The following SYNE2 variants were observed in gnomAD, a reference collection of about 807,000 sequenced individuals.
SYNE2 encodes nesprin-2.
SYNE2 carries 431 observed loss-of-function variants against 856.3 expected under a neutral mutation model. The observed-to-expected ratio is 0.50, with a 90% confidence interval of 0.47 to 0.55. The LOEUF (loss-of-function observed/expected upper bound fraction) is 0.55. Ranked by LOEUF, SYNE2 falls within the 20% of genes least tolerant of loss-of-function variation. SYNE2 has a pLI of 0.00. For synonymous variants in SYNE2, 2,923 were observed against 2,872.3 expected (o/e 1.02, Z -0.56); for missense variants, 8,129 against 8,023.2 (o/e 1.01, Z -0.50).
intron 96 of SYNE2, among the ~76,000 whole-genome samples, chr14:64,180,068 A>G (rs2098451033): frequency 6.6e-6 from 1 of 152,200 alleles, no homozygotes; most frequent in Non-Finnish European, 1.5e-5. Context: ...TAAGGCAGAG[A>G]TCCATTTTCT....
chr14:63,838,066 C>T (rs914589312), intron 1 of SYNE2, among the ~76,000 whole-genome samples: 10 of 151,526 alleles, frequency 6.6e-5, no homozygotes, highest in South Asian at 2.1e-4. Flanking sequence ...AATGAAATGG[C>T]GAAAATTAAA....
At chr14:64,002,665 T>A in intron 29 of SYNE2, 55 bp from the exon 30 acceptor site, 1 of 1,595,288 alleles carries the variant, frequency 6.3e-7, no homozygotes, top group South Asian at 1.1e-5. Context: ...GTTTCTCACA[T>A]GTAGCCTTTC....
At chr14:64,215,250 A>G in intron 106 of SYNE2, 36 bp from the exon 107 acceptor site, 5 of 1,593,190 alleles carry the variant, frequency 3.1e-6, no homozygotes, top group African/African-American at 1.3e-5. Context: ...ATCTTCAGGC[A>G]CCTCCAGTGA....
In SYNE2 at chr14:64,162,202, C is replaced by G. The variant is rs2098335025; in HGVS notation, c.16225C>G (p.Gln5409Glu). Reference sequence around the variant, plus strand: ...GCTGAAGCAGCAGGAAGCAAAGTTTCAACAGCTCGCAAACATCAGCATGTC... The same window carrying G: ...GCTGAAGCAGCAGGAAGCAAAGTTTGAACAGCTCGCAAACATCAGCATGTC... ...ARLKQQEAKFQQLANISMSGN... is the reference protein window; with the variant it reads ...ARLKQQEAKFEQLANISMSGN... Residue 5409 changes from glutamine to glutamate, a missense_variant, in exon 88 of 116, where the codon CAA (glutamine) becomes GAA (glutamate). Gln to Glu is a conservative substitution (Grantham distance 29). Coordinates refer to ENST00000555002, the MANE Select transcript of SYNE2 (RefSeq NM_182914.3). 1.2e-6 allele frequency: 2 copies of G among 1,614,110 alleles called. No individual in the cohort carries two copies. The highest frequency in any genetic ancestry group is 3.3e-5 in the Admixed American group (2 of 60,010).
chr14:64,209,899 G>A, intron 102 of SYNE2, 43 bp from the exon 103 acceptor site: 1 of 1,613,216 alleles, frequency 6.2e-7, no homozygotes, highest in Non-Finnish European at 8.5e-7. Flanking sequence ...GGGCGTCCTG[G>A]CACTCTGCAT....
intron 1 of SYNE2, among the ~76,000 whole-genome samples, chr14:63,825,871 T>G (rs922093868): frequency 6.6e-6 from 1 of 151,822 alleles, no homozygotes; most frequent in African/African-American, 2.4e-5. Context: ...AGACTCTGTC[T>G]CAAAAAAAAG....
intron 1 of SYNE2, among the ~76,000 whole-genome samples, chr14:63,774,750 A>G: frequency 6.6e-6 from 1 of 151,906 alleles, no homozygotes; most frequent in East Asian, 1.9e-4. Flanking sequence ...GGTAGAATTT[A>G]AATTATTGTA....
At chr14:64,145,539 A>T (rs2098176591) in intron 83 of SYNE2, among the ~76,000 whole-genome samples, 1 of 151,834 alleles carries the variant, frequency 6.6e-6, no homozygotes, top group Non-Finnish European at 1.5e-5. Flanking sequence ...ATGTCATGAC[A>T]CAGTAGTTAT....
intron 51 of SYNE2, among the ~76,000 whole-genome samples, chr14:64,065,931 A>T (rs117748881): frequency 2.5e-3 from 382 of 152,306 alleles, no homozygotes; most frequent in Admixed American, 5.8e-3. Context: ...TTATTGTGAA[A>T]ATAACCCCTC....
At chr14:64,142,233 G>A in intron 82 of SYNE2, 145 bp downstream of exon 82, 1 of 964,556 alleles carries the variant, frequency 1.0e-6, no homozygotes, top group Non-Finnish European at 1.6e-6. Context: ...TGATTCTGGA[G>A]AGATGTTAGT....
intron 27 of SYNE2, among the ~76,000 whole-genome samples, chr14:64,000,056 TG>T (rs762075150): frequency 5.9e-5 from 9 of 152,318 alleles, no homozygotes; most frequent in Non-Finnish European, 1.2e-4. Context: ...TCAGTAGTAT[TG>T]TATAGCAGTG....
chr14:64,080,183 T>C (rs1480797763), intron 55 of SYNE2, among the ~76,000 whole-genome samples: 1 of 152,150 alleles, frequency 6.6e-6, no homozygotes, highest in Non-Finnish European at 1.5e-5. Context: ...TGACCTTGTT[T>C]GTGTCAGTCA....
chr14:64,089,481 T>C (rs2097590528), intron 58 of SYNE2, 93 bp from the exon 59 acceptor site: 1 of 1,287,830 alleles, frequency 7.8e-7, no homozygotes, highest in African/African-American at 1.5e-5. Flanking sequence ...ATTATTTGGC[T>C]AAATAAGAGA....
intron 8 of SYNE2, among the ~76,000 whole-genome samples, chr14:63,959,310 T>C (rs1401581023): frequency 6.9e-6 from 1 of 144,242 alleles, no homozygotes; most frequent in Non-Finnish European, 1.5e-5. Flanking sequence ...TTTTTTTTTT[T>C]TTTGAGATGG....
At chr14:64,154,505 G>A (rs2098270111) in intron 85 of SYNE2, among the ~76,000 whole-genome samples, 1 of 151,986 alleles carries the variant, frequency 6.6e-6, no homozygotes, top group Non-Finnish European at 1.5e-5. Context: ...GGAAAAAATG[G>A]ATACAAGCCA....
chr14:63,972,456 A>G (rs1443318105), intron 11 of SYNE2, among the ~76,000 whole-genome samples: 2 of 152,208 alleles, frequency 1.3e-5, no homozygotes, highest in Non-Finnish European at 2.9e-5. Flanking sequence ...GCAAAATGAG[A>G]CATTGCTAAT....
At chr14:63,874,364 C>T (rs1027832665) in intron 1 of SYNE2, among the ~76,000 whole-genome samples, 1 of 152,174 alleles carries the variant, frequency 6.6e-6, no homozygotes, top group Non-Finnish European at 1.5e-5. Context: ...CTCTCCCTGC[C>T]TGCCCTCTGC....
chr14:63,976,464 T>C lies in SYNE2; in HGVS notation c.1129-99T>C, dbSNP rs2096543367. The C allele has an allele frequency of 2.1e-5, 27 of 1,297,862 alleles. 1 individual carries two copies. In the African/African-American group the frequency reaches 2.5e-4, roughly 12 times the overall value. 80.4% of individuals were successfully genotyped at this position (1,297,862 alleles called of 1,614,324 possible). ...TTGATCACATTTATCAGACTTGGCT[T>C]CCAGAGAAACTTCAAAGAATCAAAC... is the stretch of plus-strand genomic sequence containing the variant. On this transcript the variant is annotated intron_variant, in intron 11 of 115. Transcript: ENST00000555002.
At chr14:64,006,977 C>T (rs2096801135) in intron 30 of SYNE2, 66 bp from the exon 31 acceptor site, 2 of 1,288,988 alleles carry the variant, frequency 1.6e-6, no homozygotes, top group Non-Finnish European at 2.3e-6. Context: ...CCCCAAGTTA[C>T]CCATATTTGT....
Sources: allele counts gnomAD v4.1 joint callset (sites outside exome capture counted in the v4.1 genomes callset), GRCh38; gene constraint gnomAD v4.1.1; transcripts MANE v1.5; gene names NCBI Gene and HGNC (gene_info 2026-07-23, HGNC 2026-07-21).